PKP1: variants seen among roughly 807,000 people sequenced by gnomAD.
PKP1 encodes plakophilin 1, also known as plakophilin-1.
Under a neutral mutation model 76.4 loss-of-function variants are expected in PKP1, and 27 were observed. That is an observed-to-expected ratio of 0.35 (90% CI 0.26 to 0.49). The LOEUF (loss-of-function observed/expected upper bound fraction) is 0.49. PKP1 is among the 20% of genes least tolerant of loss of function. The probability of loss-of-function intolerance (pLI) is 0.99; values close to 1 mark genes in which losing one functional copy is unlikely to be tolerated. For missense variants in PKP1, 964 were observed against 955.2 expected (o/e 1.01, Z -0.12); for synonymous variants, 404 against 384.2 (o/e 1.05, Z -0.60).
intron 2 of PKP1, among the ~76,000 whole-genome samples, chr1:201,297,707 C>T (rs1004725850): frequency 2.0e-5 from 3 of 152,144 alleles, no homozygotes; most frequent in Admixed American, 2.0e-4. Flanking sequence ...AACGTTACAA[C>T]TAAACACTAA....
chr1:201,324,916 G>A lies in PKP1; in HGVS notation c.1835-25G>A, dbSNP rs775472067. 11 of 1,609,428 alleles carry A rather than the reference G, an allele frequency of 6.8e-6. No individual in the cohort carries two copies. In the South Asian group the frequency reaches 9.9e-5, roughly 15 times the overall value. On this transcript the variant is annotated intron_variant, in intron 10 of 13. Transcript: ENST00000367324. ...TTCCTTCCCCAGTCATCCTGACCCT[G>A]TGCCCCAACTCGTTCCTCTCCCAGG...
intron 2 of PKP1, among the ~76,000 whole-genome samples, chr1:201,301,314 A>G (rs927871885): frequency 2.6e-5 from 4 of 152,236 alleles, no homozygotes; most frequent in Non-Finnish European, 4.4e-5. Flanking sequence ...CCAGGATGCG[A>G]TCAGCAGCGG....
At chr1:201,292,931 A>G (rs1329030567) in intron 1 of PKP1, among the ~76,000 whole-genome samples, 5 of 152,216 alleles carry the variant, frequency 3.3e-5, no homozygotes. Flanking sequence ...TACCAAGAGC[A>G]GGACAGTATG....
At chr1:201,301,162 GT>G (rs1367497971) in intron 2 of PKP1, among the ~76,000 whole-genome samples, 1 of 152,168 alleles carries the variant, frequency 6.6e-6, no homozygotes, top group Non-Finnish European at 1.5e-5. Flanking sequence ...ACCAGTCACT[GT>G]CCTGATAGTG....
Position 201,283,827 on chromosome 1 carries a change from A to G in PKP1, c.125A>G (p.Gln42Arg). 6.2e-7 allele frequency: 1 copy of G among 1,614,186 alleles called. No individual in the cohort carries two copies. Among genetic ancestry groups the G allele is most frequent in the South Asian group, 1.1e-5 (1 of 91,092 alleles). Residue 42 changes from glutamine to arginine, a missense_variant, in exon 1 of 14, where the codon CAG becomes CGG. Physicochemically the swap from Gln to Arg is conservative, Grantham distance 43. Transcript: ENST00000367324. ...GGCACGTCTGGCAGGCAGCGCGTGC[A>G]GGAGCAGGTGATGATGACCGTCAAG... is the stretch of plus-strand genomic sequence containing the variant. Reference protein sequence around the residue: ...KTGTSGRQRVQEQVMMTVKRQ... With the variant: ...KTGTSGRQRVREQVMMTVKRQ...
At chr1:201,325,955 T>A in intron 12 of PKP1, 117 bp downstream of exon 12, 4 of 735,274 alleles carry the variant, frequency 5.4e-6, no homozygotes, top group South Asian at 3.0e-5. Flanking sequence ...TTCGGGACAG[T>A]CTGAGAGACA....
chr1:201,283,690 G>C lies in PKP1; in HGVS notation c.-13G>C. The C allele has an allele frequency of 6.2e-7, 1 of 1,611,240 alleles. No individual in the cohort carries two copies. The highest frequency in any genetic ancestry group is 8.5e-7 in the Non-Finnish European group (1 of 1,178,544). On this transcript the variant is annotated 5_prime_UTR_variant, in exon 1 of 14. Transcript: ENST00000367324. ...CCTAGGCCCCGGCCGCGCGCCACCC[G>C]CCTCCCGCCACCATGAACCACTCGC...
rs528863950 is a variant in PKP1 at position 201,300,708 on chromosome 1, A to G, written c.306+6663A>G. Among the ~76,000 whole-genome samples, 18 of 152,276 alleles carry G rather than the reference A, an allele frequency of 1.2e-4. No individual in the cohort carries two copies. The South Asian group carries it at 3.3e-3, about 28-fold the overall frequency. On this transcript the variant is annotated intron_variant, in intron 2 of 13. Coordinates refer to ENST00000367324, the MANE Select transcript of PKP1 (RefSeq NM_001005337.3). ...TGGCTTCTGTGTCCCTCTTTTGGGG[A>G]GAGAAGTCAGAGAATGGCCCCATGT...
intron 2 of PKP1, among the ~76,000 whole-genome samples, chr1:201,298,077 T>C (rs887176340): frequency 6.6e-6 from 1 of 152,196 alleles, no homozygotes; most frequent in African/African-American, 2.4e-5. Context: ...CTCATTCCTG[T>C]GATAAAAACA....
chr1:201,289,995 C>G (rs1031701088), intron 1 of PKP1, among the ~76,000 whole-genome samples: 1 of 152,160 alleles, frequency 6.6e-6, no homozygotes, highest in Non-Finnish European at 1.5e-5. Context: ...TCACCTGCCC[C>G]TACTGGAGAG....
chr1:201,300,205 G>T (rs924180899), intron 2 of PKP1, among the ~76,000 whole-genome samples: 17 of 152,254 alleles, frequency 1.1e-4, no homozygotes, highest in Admixed American at 3.3e-4. Context: ...GAGCGGGCGG[G>T]CCGGCTCCAG....
intron 1 of PKP1, among the ~76,000 whole-genome samples, chr1:201,289,101 G>C (rs1655824959): frequency 6.6e-6 from 1 of 152,164 alleles, no homozygotes. Context: ...CCCAGCAGAG[G>C]GGGCAGGAGG....
intron 12 of PKP1, chr1:201,328,528 T>C: frequency 1.7e-6 from 1 of 587,810 alleles, no homozygotes; most frequent in Non-Finnish European, 3.1e-6. Context: ...CAAATGCAAG[T>C]AGGAAATTCA....
chr1:201,325,036 G>C lies in PKP1; in HGVS notation c.1930G>C (p.Val644Leu). The change falls in exon 11 of 14, where the codon GTG becomes CTG. Residue 644 changes from valine (V) to leucine (L), a missense_variant. Val to Leu is a conservative substitution (Grantham distance 32, BLOSUM62 1). Transcript: ENST00000367324. ...EDILSSACYT[V>L]RNLMASQPQL... ...CATCTTGTCCTCGGCCTGCTACACTGTGAGGAACCTGATGGCCTCGCAGCC... is the reference window on the plus strand; with the variant it reads ...CATCTTGTCCTCGGCCTGCTACACTCTGAGGAACCTGATGGCCTCGCAGCC... 6.2e-7 allele frequency: 1 copy of C among 1,613,942 alleles called. No homozygotes were observed. Among genetic ancestry groups the C allele is most frequent in the Non-Finnish European group, 8.5e-7 (1 of 1,180,026 alleles).
At chr1:201,307,613 C>G (rs1312877107) in intron 2 of PKP1, among the ~76,000 whole-genome samples, 2 of 152,160 alleles carry the variant, frequency 1.3e-5, no homozygotes, top group African/African-American at 4.8e-5. Context: ...GCGAGGTGCC[C>G]CTTGTGATGG....
chr1:201,312,347 G>C (rs1485970243), intron 2 of PKP1, among the ~76,000 whole-genome samples: 2 of 152,220 alleles, frequency 1.3e-5, no homozygotes, highest in African/African-American at 4.8e-5. Context: ...CAAGAAGGCT[G>C]GCTGTGTGAG....
intron 12 of PKP1, 109 bp from the exon 13 acceptor site, chr1:201,328,653 A>G: frequency 4.4e-6 from 4 of 902,816 alleles, no homozygotes; most frequent in Non-Finnish European, 7.5e-6. Context: ...GTGATAAGAG[A>G]GAGGCTGTGT....
chr1:201,327,770 C>T (rs1657192654), intron 12 of PKP1, among the ~76,000 whole-genome samples: 1 of 152,108 alleles, frequency 6.6e-6, no homozygotes, highest in South Asian at 2.1e-4. Context: ...GTTGGTGCGT[C>T]TGTTCCCAAA....
At position 201,323,180 on chromosome 1, in the gene PKP1, C is replaced by A; in HGVS notation, c.1671C>A (p.Ser557Arg). 1 of 1,613,912 alleles carries A rather than the reference C, an allele frequency of 6.2e-7. No individual in the cohort carries two copies. Among genetic ancestry groups the A allele is most frequent in the Non-Finnish European group, 8.5e-7 (1 of 1,179,946 alleles). Residue 557 changes from serine to arginine, a missense_variant, in exon 9 of 14, where the codon AGC (serine) becomes AGA (arginine). Coordinates refer to ENST00000367324, the MANE Select transcript of PKP1 (RefSeq NM_001005337.3). Reference protein sequence around the residue: ...CAGALQNLTASKGLMSSGMSQ... With the variant: ...CAGALQNLTARKGLMSSGMSQ... ...GTGCCCTGCAGAACCTGACAGCCAGCAAGGGGCTGGTGAGTGGGACTGTAC... is the reference window on the plus strand; with the variant it reads ...GTGCCCTGCAGAACCTGACAGCCAGAAAGGGGCTGGTGAGTGGGACTGTAC...
Sources: allele counts gnomAD v4.1 joint callset (sites outside exome capture counted in the v4.1 genomes callset), GRCh38; gene constraint gnomAD v4.1.1; transcripts MANE v1.5; gene names NCBI Gene and HGNC (gene_info 2026-07-23, HGNC 2026-07-21).